Variants in HCRTR2 observed in about 807,000 individuals in gnomAD.
The protein encoded by HCRTR2 is orexin receptor type 2.
A neutral mutation model predicts 49.0 loss-of-function variants in HCRTR2; 22 were observed. The ratio of observed to expected loss-of-function variants is 0.45; its 90% CI spans 0.32 to 0.64. HCRTR2 has a LOEUF of 0.64. Among genes scored for constraint, HCRTR2 ranks in the 30% least tolerant of loss-of-function variants. The pLI is 0.04. For synonymous variants in HCRTR2, 236 were observed against 205.3 expected, an observed-to-expected ratio of 1.15 and a Z score of -1.28; for missense variants, 491 against 559.4, an observed-to-expected ratio of 0.88 and a Z score of 1.23.
intron 1 of HCRTR2, among the ~76,000 whole-genome samples, chr6:55,182,738 C>A (rs148140386): frequency 6.6e-6 from 1 of 152,298 alleles, no homozygotes; most frequent in East Asian, 1.9e-4. Context: ...GTTGCACAGC[C>A]TCTAAAGTTG....
intron 1 of HCRTR2, among the ~76,000 whole-genome samples, chr6:55,166,355 A>G (rs1403554086): frequency 6.6e-6 from 1 of 150,510 alleles, no homozygotes; most frequent in Admixed American, 6.6e-5. Context: ...CGTGTCAGGA[A>G]GTCCAAAAGA....
intron 1 of HCRTR2, among the ~76,000 whole-genome samples, chr6:55,109,104 G>A (rs62416416): frequency 0.28 from 42,561 of 152,028 alleles, 6,715 homozygotes; most frequent in Non-Finnish European, 0.36. Context: ...TACCAGCCCA[G>A]AGCCTGGTAG....
At chr6:55,206,542 A>AT (rs76538680) in intron 1 of HCRTR2, among the ~76,000 whole-genome samples, 2,122 of 151,504 alleles carry the variant, frequency 0.014, 44 homozygotes, top group African/African-American at 0.049. Context: ...AGTTATTTTG[A>AT]TTTTTTTTTA....
Position 55,280,320 on chromosome 6 carries a change from C to A in HCRTR2, c.984-3C>A, listed in dbSNP as rs983053652. 2.5e-6 allele frequency: 4 copies of A among 1,575,048 alleles called. No individual in the cohort carries two copies. The highest frequency in any genetic ancestry group is 2.6e-6 in the Non-Finnish European group (3 of 1,145,476). On this transcript the variant is annotated splice_polypyrimidine_tract_variant and splice_region_variant and intron_variant, in intron 5 of 6. Transcript: ENST00000370862. ...CACTTTTCTGTTGTTTCTTTTCCTG[C>A]AGAGTATTTGGGATGTTTGCCCATA...
At chr6:55,191,108 A>T (rs1765308157) in intron 1 of HCRTR2, among the ~76,000 whole-genome samples, 2 of 152,198 alleles carry the variant, frequency 1.3e-5, no homozygotes, top group Non-Finnish European at 2.9e-5. Context: ...AGGGGCAATG[A>T]AGGAAGGAGC....
At chr6:55,277,634 C>A (rs199656196) in intron 5 of HCRTR2, 34 bp downstream of exon 5, 5 of 1,468,528 alleles carry the variant, frequency 3.4e-6, no homozygotes, top group Non-Finnish European at 2.9e-6. Flanking sequence ...AATGAAATAG[C>A]CTGCCTTTTC....
intron 1 of HCRTR2, among the ~76,000 whole-genome samples, chr6:55,129,319 C>T (rs1764323293): frequency 1.3e-5 from 2 of 152,174 alleles, no homozygotes; most frequent in South Asian, 4.1e-4. Context: ...GAAACTCCTT[C>T]CTAAATGTGC....
intron 5 of HCRTR2, among the ~76,000 whole-genome samples, chr6:55,279,864 C>G (rs1250133850): frequency 6.6e-6 from 1 of 151,478 alleles, no homozygotes; most frequent in Non-Finnish European, 1.5e-5. Context: ...TTCAGATAGT[C>G]CAGGAAGATT....
intron 1 of HCRTR2, among the ~76,000 whole-genome samples, chr6:55,179,200 C>T (rs1384506341): frequency 1.3e-5 from 2 of 152,036 alleles, no homozygotes; most frequent in African/African-American, 4.8e-5. Flanking sequence ...TCTCCGAATG[C>T]CCATTTTAGT....
chr6:55,169,361 A>G (rs1214797671), intron 1 of HCRTR2, among the ~76,000 whole-genome samples: 1 of 151,752 alleles, frequency 6.6e-6, no homozygotes, highest in African/African-American at 2.4e-5. Flanking sequence ...TAATAGAAAG[A>G]TTGGAGGAAA....
intron 1 of HCRTR2, among the ~76,000 whole-genome samples, chr6:55,130,459 T>C (rs1474433039): frequency 6.6e-6 from 1 of 151,590 alleles, no homozygotes; most frequent in East Asian, 1.9e-4. Flanking sequence ...TCATCTCCAA[T>C]ATATTCCTAT....
chr6:55,132,767 C>G (rs1190090560), intron 1 of HCRTR2, among the ~76,000 whole-genome samples: 7 of 129,948 alleles, frequency 5.4e-5, no homozygotes, highest in Non-Finnish European at 1.0e-4. Flanking sequence ...TTTTTTTTTT[C>G]GCTGAAAATT....
rs745445805 is a variant in HCRTR2, at chr6:55,255,255, C to G, written c.522C>G (p.Val174=). The G allele has an allele frequency of 6.2e-7, 1 of 1,614,004 alleles. No individual in the cohort carries two copies. Among genetic ancestry groups the G allele is most frequent in the South Asian group, 1.1e-5 (1 of 91,076 alleles). ...STAKRARNSI[V]IIWIVSCIIM... is the part of the protein sequence containing the mutation. ...CAAAGCGGGCCCGTAACAGCATTGT[C>G]ATCATCTGGATTGTCTCCTGCATTA... Residue 174 remains valine, a synonymous_variant, in exon 3 of 7, where the codon GTC becomes GTG. Transcript: ENST00000370862.
At chr6:55,216,476 G>T (rs558961982) in intron 1 of HCRTR2, among the ~76,000 whole-genome samples, 1 of 152,154 alleles carries the variant, frequency 6.6e-6, no homozygotes, top group Non-Finnish European at 1.5e-5. Context: ...CTAAAATACA[G>T]TGCTGGTACA....
At chr6:55,170,325 A>C (rs1211065610), upstream of HCRTR2, among the ~76,000 whole-genome samples, 1 of 149,276 alleles carries the variant, frequency 6.7e-6, no homozygotes, top group African/African-American at 2.4e-5. Context: ...GTATTTATAT[A>C]TACATAGTAT....
intron 1 of HCRTR2, among the ~76,000 whole-genome samples, chr6:55,154,145 A>T (rs984163918): frequency 2.6e-5 from 4 of 151,876 alleles, no homozygotes; most frequent in Non-Finnish European, 4.4e-5. Context: ...AAAACCTCCC[A>T]AGAAGAAGAG....
chr6:55,217,148 G>A lies in HCRTR2; in HGVS notation c.224-31491G>A, dbSNP rs571987993. On this transcript the variant is annotated intron_variant, in intron 1 of 6. Coordinates refer to ENST00000370862, the MANE Select transcript of HCRTR2 (RefSeq NM_001384272.1). ...GGCAGCAAGCTGTGGAGAGTACCCT[G>A]GGCCTGTCCCCTGAAACTATTCTAC... is the stretch of plus-strand genomic sequence containing the variant. Among the ~76,000 whole-genome samples, 173 of 152,240 alleles carry A rather than the reference G, an allele frequency of 1.1e-3. 2 individuals carry two copies. Among genetic ancestry groups the A allele is most frequent in the Admixed American group, 0.01 (159 of 15,288 alleles).
chr6:55,279,656 A>G (rs1296366929), intron 5 of HCRTR2, among the ~76,000 whole-genome samples: 1 of 152,096 alleles, frequency 6.6e-6, no homozygotes, highest in East Asian at 1.9e-4. Context: ...TAGGTTAGTG[A>G]TTAGAATTTA....
intron 4 of HCRTR2, among the ~76,000 whole-genome samples, chr6:55,275,998 C>T (rs1239372449): frequency 6.6e-6 from 1 of 152,060 alleles, no homozygotes; most frequent in Non-Finnish European, 1.5e-5. Context: ...TTAGCAGACA[C>T]ATACAGGCTT....
Sources: allele counts gnomAD v4.1 joint callset (sites outside exome capture counted in the v4.1 genomes callset), GRCh38; gene constraint gnomAD v4.1.1; transcripts MANE v1.5; gene names NCBI Gene and HGNC (gene_info 2026-07-23, HGNC 2026-07-21).